The following NRG1 variants were observed in gnomAD, a reference collection of about 807,000 sequenced individuals.
The protein encoded by NRG1 is neuregulin 1.
NRG1 carries 18 observed loss-of-function variants against 63.8 expected under a neutral mutation model. The observed-to-expected ratio is 0.28, with a 90% CI of 0.19 to 0.42. NRG1 has a LOEUF of 0.42. NRG1 is among the 10% of genes least tolerant of loss of function. NRG1 has a pLI of 1.00. For synonymous variants in NRG1, 302 were observed against 301.3 expected, an observed-to-expected ratio of 1.00 and a Z score of -0.02; for missense variants, 762 against 814.7, an observed-to-expected ratio of 0.94 and a Z score of 0.79.
chr8:32,740,488 C>T (rs1312253413), intron 6 of NRG1, among the ~76,000 whole-genome samples: 2 of 152,094 alleles, frequency 1.3e-5, no homozygotes, highest in African/African-American at 2.4e-5. Flanking sequence ...TGAGCCACTG[C>T]GCCCGGCCAA....
At chr8:32,066,997 A>G (rs557033501) in intron 1 of NRG1, among the ~76,000 whole-genome samples, 59 of 152,168 alleles carry the variant, frequency 3.9e-4, no homozygotes, top group Non-Finnish European at 7.9e-4. Context: ...TTTGTCTGTT[A>G]TGGGTGGATA....
intron 1 of NRG1, among the ~76,000 whole-genome samples, chr8:31,689,494 G>A (rs1039732726): frequency 3.9e-5 from 6 of 152,166 alleles, no homozygotes; most frequent in African/African-American, 1.4e-4. Context: ...CTAAACAAGT[G>A]TAAAGCCCCC....
intron 5 of NRG1, among the ~76,000 whole-genome samples, chr8:32,649,419 C>T (rs1167782794): frequency 6.6e-6 from 1 of 152,110 alleles, no homozygotes; most frequent in Non-Finnish European, 1.5e-5. Context: ...TCTCTATCTC[C>T]TATCACTTTT....
rs529064197 is a variant in NRG1 at position 32,462,908 on chromosome 8, C to A, written c.38-132920C>A. Among the ~76,000 whole-genome samples, 90 of 151,998 alleles carry A rather than the reference C, an allele frequency of 5.9e-4. No homozygotes were observed. The South Asian group carries it at 7.3e-3, about 12-fold the overall frequency. On this transcript the variant is annotated intron_variant, in intron 1 of 10. Coordinates refer to the NRG1 transcript ENST00000519301. ...AGTGAGCCACCATGCCTGGCCTAGA[C>A]ATACAGATTCTACATGATTACAAGT... is the stretch of plus-strand genomic sequence containing the variant.
chr8:32,184,257 T>C (rs1200622675), intron 1 of NRG1, among the ~76,000 whole-genome samples: 1 of 152,174 alleles, frequency 6.6e-6, no homozygotes, highest in African/African-American at 2.4e-5. Context: ...ATATGAGCAC[T>C]TCACACAGTA....
Position 31,896,129 on chromosome 8 carries a change from G to T in NRG1, c.37+256698G>T, listed in dbSNP as rs780898788. The stretch of plus-strand genomic sequence containing the variant: ...ACTAGTCCCCCTCTCTCAAAATCCA[G>T]CATTTGCTCACTAGACCAGAGCTGC... On this transcript the variant is annotated intron_variant, in intron 1 of 10. Coordinates refer to the NRG1 transcript ENST00000519301. Among the ~76,000 whole-genome samples the T allele has an allele frequency of 9.2e-5, 14 of 152,208 alleles. 1 individual carries two copies. Among genetic ancestry groups the T allele is most frequent in the Middle Eastern group, 3.4e-3 (1 of 294 alleles).
intron 1 of NRG1, among the ~76,000 whole-genome samples, chr8:32,295,710 G>A (rs1447311245): frequency 6.6e-6 from 1 of 152,054 alleles, no homozygotes; most frequent in Non-Finnish European, 1.5e-5. Context: ...CAGCACTTTG[G>A]GAGGCCCAGG....
intron 1 of NRG1, among the ~76,000 whole-genome samples, chr8:31,757,384 T>C (rs985765210): frequency 1.3e-5 from 2 of 152,160 alleles, no homozygotes; most frequent in African/African-American, 2.4e-5. Flanking sequence ...TTGTTTCAGA[T>C]AATGTAGAAT....
intron 1 of NRG1, among the ~76,000 whole-genome samples, chr8:32,450,406 C>T (rs1820804858): frequency 6.6e-6 from 1 of 151,874 alleles, no homozygotes; most frequent in Non-Finnish European, 1.5e-5. Context: ...CACAGTGAGA[C>T]CTCATTTCTA....
At chr8:32,765,169 C>T (rs1015789925) in exon 12 of NRG1, 1 of 152,030 alleles carries the variant, frequency 6.6e-6, no homozygotes, top group Admixed American at 6.6e-5. Flanking sequence ...GGCTTGCTAT[C>T]AGGGTAAATC....
At chr8:32,164,909 A>G (rs1333245880) in intron 1 of NRG1, among the ~76,000 whole-genome samples, 3 of 152,054 alleles carry the variant, frequency 2.0e-5, no homozygotes, top group African/African-American at 7.2e-5. Flanking sequence ...TTGCTGTTTC[A>G]TCTTTGGAGT....
At chr8:32,248,573 A>G (rs968549889) in intron 1 of NRG1, among the ~76,000 whole-genome samples, 1 of 152,092 alleles carries the variant, frequency 6.6e-6, no homozygotes, top group Non-Finnish European at 1.5e-5. Flanking sequence ...AATTAATTCA[A>G]TTTAGCTTCA....
intron 4 of NRG1, 82 bp from the exon 5 acceptor site, chr8:32,616,753 T>C: frequency 9.7e-7 from 1 of 1,030,788 alleles, no homozygotes; most frequent in South Asian, 1.3e-5. Flanking sequence ...TACTAGGCGA[T>C]ACCCAAGCCT....
intron 1 of NRG1, among the ~76,000 whole-genome samples, chr8:32,589,037 C>T (rs1010571573): frequency 6.6e-6 from 1 of 152,182 alleles, no homozygotes; most frequent in Non-Finnish European, 1.5e-5. Context: ...GGATATAACC[C>T]AACATCACCC....
At chr8:31,767,788 G>A (rs938309091) in intron 1 of NRG1, among the ~76,000 whole-genome samples, 2 of 148,380 alleles carry the variant, frequency 1.3e-5, no homozygotes, top group African/African-American at 5.0e-5. Flanking sequence ...GCAGTGAGCC[G>A]AGATTGTGCC....
intron 1 of NRG1, among the ~76,000 whole-genome samples, chr8:31,762,790 A>T (rs1817686566): frequency 6.6e-6 from 1 of 152,224 alleles, no homozygotes; most frequent in Admixed American, 6.5e-5. Context: ...TACTAATCTT[A>T]TGCAATTTAT....
chr8:32,647,238 C>T, intron 5 of NRG1: 1 of 985,364 alleles, frequency 1.0e-6, no homozygotes, highest in Non-Finnish European at 1.2e-6. Context: ...TCTCCTGCCG[C>T]CGCTGCTGCT....
chr8:31,712,255 C>CTTTTTTTTTTTTTT lies in NRG1; in HGVS notation c.37+72841_37+72854dup, dbSNP rs57363109. Among the ~76,000 whole-genome samples the CTTTTTTTTTTTTTT allele has an allele frequency of 1.0e-3, 72 of 72,350 alleles. 15 individuals carry two copies. The highest frequency in any genetic ancestry group is 1.5e-3 in the Non-Finnish European group (58 of 39,662). 47.5% of individuals were successfully genotyped at this position (72,350 alleles called of 152,430 possible). A position where few individuals can be genotyped will look rare whatever the true frequency, so the allele number is the denominator to read the frequency against. ...TGACTTCCTGTTTCTTCTTCATGATCTTTTTTTTTTTTTTTTTTTTTTTTT... is the reference window on the plus strand; with the variant it reads ...TGACTTCCTGTTTCTTCTTCATGATCTTTTTTTTTTTTTTTTTTTTTTTTTTTTTTTTTTTTTTT... On this transcript the variant is annotated intron_variant, in intron 1 of 10. Coordinates refer to the NRG1 transcript ENST00000519301.
At chr8:31,796,128 C>T (rs1031184514) in intron 1 of NRG1, among the ~76,000 whole-genome samples, 1 of 152,076 alleles carries the variant, frequency 6.6e-6, no homozygotes, top group Non-Finnish European at 1.5e-5. Flanking sequence ...ATACACCTAG[C>T]CTTAAAGAGT....
Sources: gnomAD v4.1 joint callset for allele counts (sites outside exome capture counted in the v4.1 genomes callset) on GRCh38, gnomAD v4.1.1 for gene constraint, MANE v1.5 for transcripts, NCBI Gene and HGNC (gene_info 2026-07-23, HGNC 2026-07-21) for gene names.